Variants in FER1L6 observed in about 807,000 individuals in gnomAD.
The protein encoded by FER1L6 is fer-1 like family member 6, also known as fer-1-like protein 6.
In FER1L6, 177 loss-of-function variants were observed where a neutral mutation model predicts 219.2. The ratio of observed to expected loss-of-function variants is 0.81; its 90% CI spans 0.71 to 0.91. FER1L6 has a LOEUF of 0.91. Among genes scored for constraint, FER1L6 ranks in the 40% least tolerant of loss-of-function variants. The pLI, the probability that FER1L6 is intolerant of heterozygous loss-of-function variation, is 0.00. For synonymous variants in FER1L6, 768 were observed against 824.3 expected (o/e 0.93, Z 1.17); for missense variants, 2,153 against 2,259.9 (o/e 0.95, Z 0.96).
Position 124,119,803 on chromosome 8 carries a change from G to A in FER1L6, c.*13G>A, listed in dbSNP as rs1823411818. 6.2e-7 allele frequency: 1 copy of A among 1,612,228 alleles called. No homozygotes were observed. Among genetic ancestry groups the A allele is most frequent in the South Asian group, 1.1e-5 (1 of 90,818 alleles). On this transcript the variant is annotated 3_prime_UTR_variant, in exon 41 of 41. Coordinates refer to ENST00000522917, the MANE Select transcript of FER1L6 (RefSeq NM_001039112.2). ...TGTGGGCTCATAGAGGATCATGGAG[G>A]ACCCAGATCCTCGCCATATACTAAT... is the stretch of plus-strand genomic sequence containing the variant.
At chr8:124,074,760 T>C (rs1392853540) in intron 31 of FER1L6, among the ~76,000 whole-genome samples, 2 of 152,096 alleles carry the variant, frequency 1.3e-5, no homozygotes, top group East Asian at 3.9e-4. Flanking sequence ...GCAAGTGTCA[T>C]ACTGTATTTA....
chr8:123,868,662 G>A lies in FER1L6; in HGVS notation c.-8+16477G>A, dbSNP rs193038618. Among the ~76,000 whole-genome samples, 61 of 152,180 alleles carry A rather than the reference G, an allele frequency of 4.0e-4. 1 individual carries two copies. Among genetic ancestry groups the A allele is most frequent in the African/African-American group, 5.5e-4 (23 of 41,532 alleles). ...GCCCTCCCTGCAGACCTGTTGGTAC[G>A]TTTGTGCAAAAAGTAAATAAAAGGC... On this transcript the variant is annotated intron_variant, in intron 1 of 40. Transcript: ENST00000522917.
intron 1 of FER1L6, among the ~76,000 whole-genome samples, chr8:123,947,666 G>C (rs569944635): frequency 6.6e-6 from 1 of 152,178 alleles, no homozygotes; most frequent in Non-Finnish European, 1.5e-5. Flanking sequence ...TGTAAACTAG[G>C]CATGATTGTT....
At chr8:123,951,655 T>C (rs1814774888) in intron 1 of FER1L6, among the ~76,000 whole-genome samples, 1 of 152,252 alleles carries the variant, frequency 6.6e-6, no homozygotes, top group Non-Finnish European at 1.5e-5. Context: ...GTTTTTAAGC[T>C]AGACCTCATT....
intron 1 of FER1L6, among the ~76,000 whole-genome samples, chr8:123,915,498 T>C (rs1813158311): frequency 1.3e-5 from 2 of 152,144 alleles, no homozygotes; most frequent in South Asian, 2.1e-4. Context: ...GGATTTAGTA[T>C]AGAATTGGGC....
chr8:124,052,511 T>C (rs567561608), intron 22 of FER1L6, among the ~76,000 whole-genome samples: 1 of 151,930 alleles, frequency 6.6e-6, no homozygotes, highest in Admixed American at 6.6e-5. Context: ...ATTGGCCAGG[T>C]GTGGTGGCTC....
At chr8:124,083,510 T>A (rs188523162) in intron 33 of FER1L6, among the ~76,000 whole-genome samples, 1 of 152,282 alleles carries the variant, frequency 6.6e-6, no homozygotes, top group East Asian at 1.9e-4. Flanking sequence ...CTTTTTGGCA[T>A]CTTTGTTGAA....
intron 1 of FER1L6, among the ~76,000 whole-genome samples, chr8:123,930,896 G>A (rs914395816): frequency 6.6e-6 from 1 of 152,160 alleles, no homozygotes; most frequent in Non-Finnish European, 1.5e-5. Context: ...TTGTGAGGAG[G>A]CATGGGTTGA....
At chr8:123,918,762 T>G (rs12544278) in intron 1 of FER1L6, among the ~76,000 whole-genome samples, 39,302 of 151,972 alleles carry the variant, frequency 0.26, 5,435 homozygotes, top group Middle Eastern at 0.32. Flanking sequence ...GAACTGACCT[T>G]GCTTTGGCGT....
chr8:123,971,752 T>G (rs1815826690), intron 6 of FER1L6, among the ~76,000 whole-genome samples: 1 of 152,206 alleles, frequency 6.6e-6, no homozygotes. Flanking sequence ...AGTGGGGGAC[T>G]GCTGTAAGCA....
rs1217315225 is a variant in FER1L6 at position 124,070,473 on chromosome 8, G to A, written c.3841G>A (p.Asp1281Asn). 1 of 1,613,356 alleles carries A rather than the reference G, an allele frequency of 6.2e-7. No homozygotes were observed. Among genetic ancestry groups the A allele is most frequent in the East Asian group, 2.2e-5 (1 of 44,840 alleles). The change falls in exon 30 of 41, where the codon GAC becomes AAC. Residue 1281 changes from aspartate to asparagine, a missense_variant. By Grantham distance (23) the Asp-to-Asn change is conservative (BLOSUM62 1). Transcript: ENST00000522917. ...IPNLAILQIY[D>N]GDLESEFNNF... ...TTCTCCCTTTTCCCTAAAGATATAT[G>A]ACGGTGATCTCGAGAGTGAATTCAA...
At chr8:123,980,420 A>T (rs963065643) in intron 10 of FER1L6, 45 bp from the exon 11 acceptor site, 14 of 1,479,336 alleles carry the variant, frequency 9.5e-6, no homozygotes, top group African/African-American at 1.4e-5. Flanking sequence ...CAACTTTTAT[A>T]AAGCAAAAAC....
At chr8:124,015,886 T>C (rs1818180591) in intron 15 of FER1L6, 1 of 152,476 alleles carries the variant, frequency 6.6e-6, no homozygotes, top group South Asian at 2.1e-4. Flanking sequence ...GGACCCGAGG[T>C]CAAGGCAAGC....
At chr8:123,902,289 T>C (rs1386622865) in intron 1 of FER1L6, among the ~76,000 whole-genome samples, 2 of 152,202 alleles carry the variant, frequency 1.3e-5, no homozygotes, top group African/African-American at 2.4e-5. Flanking sequence ...CTGGGGTTGT[T>C]AGATGAAATT....
rs199742153 is a variant in FER1L6, at chr8:124,060,649, C to T, written c.3087C>T (p.Cys1029=). 3.7e-6 allele frequency: 6 copies of T among 1,613,936 alleles called. No homozygotes were observed. Among genetic ancestry groups the T allele is most frequent in the South Asian group, 3.3e-5 (3 of 91,068 alleles). ...IECGGQGVKS[C]VIQSYKNNPN... is the part of the protein sequence containing the mutation. ...GCGGAGGACAAGGTGTGAAGTCCTG[C>T]GTGATCCAGAGCTACAAGAACAACC... The change falls in exon 24 of 41, where the codon TGC becomes TGT. Residue 1029 remains cysteine (C), a synonymous_variant. Transcript: ENST00000522917.
chr8:124,026,898 C>T (rs1015451528), intron 18 of FER1L6, among the ~76,000 whole-genome samples: 4 of 152,158 alleles, frequency 2.6e-5, no homozygotes, highest in Admixed American at 6.5e-5. Context: ...TATATTATCT[C>T]ATGGTTCTGA....
intron 32 of FER1L6, among the ~76,000 whole-genome samples, chr8:124,080,069 T>C (rs4460351): frequency 0.84 from 127,756 of 152,154 alleles, 53,741 homozygotes; most frequent in Non-Finnish European, 0.86. Context: ...AGTAGACACA[T>C]AATAAATGCT....
At chr8:123,976,948 A>G (rs970570714) in intron 9 of FER1L6, among the ~76,000 whole-genome samples, 1 of 152,246 alleles carries the variant, frequency 6.6e-6, no homozygotes, top group African/African-American at 2.4e-5. Flanking sequence ...CCATTAAAAT[A>G]CAGAACTACC....
intron 22 of FER1L6, 143 bp downstream of exon 22, chr8:124,049,899 G>C: frequency 1.2e-6 from 1 of 811,164 alleles, no homozygotes; most frequent in Non-Finnish European, 2.0e-6. Flanking sequence ...GGACCTGAGA[G>C]GTGCGCTTAA....
Sources: allele counts gnomAD v4.1 joint callset (sites outside exome capture counted in the v4.1 genomes callset), GRCh38; gene constraint gnomAD v4.1.1; transcripts MANE v1.5; gene names NCBI Gene and HGNC (gene_info 2026-07-23, HGNC 2026-07-21).